The following RIN2 variants were observed in gnomAD, a reference collection of about 807,000 sequenced individuals.
RIN2 encodes the protein RAB5 interacting protein 2.
A neutral mutation model predicts 78.0 loss-of-function variants in RIN2; 36 were observed. The observed-to-expected ratio is 0.46, with a 90% confidence interval of 0.35 to 0.61. The LOEUF (loss-of-function observed/expected upper bound fraction) is 0.61. Among genes scored for constraint, RIN2 ranks in the 20% least tolerant of loss-of-function variants. The probability of loss-of-function intolerance (pLI) is 0.00; values close to 1 mark genes in which losing one functional copy is unlikely to be tolerated. For synonymous variants in RIN2, 466 were observed against 466.8 expected, an observed-to-expected ratio of 1.00 and a Z score of 0.02; for missense variants, 1,087 against 1,159.7, an observed-to-expected ratio of 0.94 and a Z score of 0.91.
intron 3 of RIN2, among the ~76,000 whole-genome samples, chr20:19,915,119 A>G (rs1181553291): frequency 2.0e-5 from 3 of 152,136 alleles, no homozygotes; most frequent in Non-Finnish European, 4.4e-5. Context: ...AAAAAGAAAA[A>G]CATTGTTTGG....
chr20:19,902,015 CAAAAAAAAAAA>C (rs55949901), intron 3 of RIN2, among the ~76,000 whole-genome samples: 106 of 100,652 alleles, frequency 1.1e-3, no homozygotes, highest in Middle Eastern at 6.0e-3. Context: ...GACTCTGTCT[CAAAAAAAAAAA>C]AAAAAAAAAA....
chr20:19,961,315 C>T (rs959718863), intron 6 of RIN2, among the ~76,000 whole-genome samples: 1 of 152,174 alleles, frequency 6.6e-6, no homozygotes, highest in Non-Finnish European at 1.5e-5. Context: ...AGAATCCAAC[C>T]TTTTGATGAA....
At chr20:19,818,086 C>T (rs1463736811) in intron 2 of RIN2, among the ~76,000 whole-genome samples, 1 of 139,894 alleles carries the variant, frequency 7.1e-6, no homozygotes, top group Non-Finnish European at 1.5e-5. Flanking sequence ...TTCTGAGTTA[C>T]AAACCTGTGC....
chr20:19,779,641 C>T (rs1568744343), intron 1 of RIN2, among the ~76,000 whole-genome samples: 1 of 152,166 alleles, frequency 6.6e-6, no homozygotes, highest in East Asian at 1.9e-4. Context: ...AGCAGAGAGC[C>T]TCAGATAAGT....
intron 3 of RIN2, among the ~76,000 whole-genome samples, chr20:19,890,559 A>T (rs576576939): frequency 7.4e-4 from 112 of 151,816 alleles, no homozygotes; most frequent in Middle Eastern, 3.4e-3. Context: ...ACCGAGGACA[A>T]GTGACTATGT....
At chr20:19,955,131 C>G (rs1326833058) in intron 4 of RIN2, among the ~76,000 whole-genome samples, 2 of 152,170 alleles carry the variant, frequency 1.3e-5, no homozygotes, top group Non-Finnish European at 2.9e-5. Flanking sequence ...CCCCCATTCT[C>G]TGGAGCCCAC....
At chr20:19,906,512 G>A (rs1345502474) in intron 3 of RIN2, among the ~76,000 whole-genome samples, 1 of 152,112 alleles carries the variant, frequency 6.6e-6, no homozygotes, top group Non-Finnish European at 1.5e-5. Flanking sequence ...GCTTACAGGG[G>A]CCAGGAAGAT....
At chr20:19,842,213 TTTTGTTTG>T (rs4052743) in intron 2 of RIN2, among the ~76,000 whole-genome samples, 46,519 of 149,516 alleles carry the variant, frequency 0.31, 8,541 homozygotes, top group East Asian at 0.52. Flanking sequence ...TCTTTGTTTT[TTTTGTTTG>T]TTTGTTTGTT....
At chr20:19,907,701 G>C (rs58793273) in intron 3 of RIN2, among the ~76,000 whole-genome samples, 5,581 of 152,280 alleles carry the variant, frequency 0.037, 349 homozygotes, top group African/African-American at 0.13. Context: ...ACAGGGCCTT[G>C]CCCAGAGTCC....
At chr20:19,819,217 G>A (rs1356088558) in intron 2 of RIN2, among the ~76,000 whole-genome samples, 3 of 152,214 alleles carry the variant, frequency 2.0e-5, no homozygotes, top group Non-Finnish European at 4.4e-5. Flanking sequence ...AGAAGTCCAA[G>A]GTCCAGGTGC....
At chr20:19,759,223 G>T (rs1173033633) in intron 1 of RIN2, among the ~76,000 whole-genome samples, 1 of 152,204 alleles carries the variant, frequency 6.6e-6, no homozygotes, top group Non-Finnish European at 1.5e-5. Flanking sequence ...CCTGAGAGGC[G>T]CCTGTCTTCT....
chr20:19,842,745 C>G (rs1393168336), intron 2 of RIN2, among the ~76,000 whole-genome samples: 1 of 152,018 alleles, frequency 6.6e-6, no homozygotes, highest in Admixed American at 6.6e-5. Context: ...GCCCATGGAT[C>G]AAGAAGTAAT....
intron 2 of RIN2, among the ~76,000 whole-genome samples, chr20:19,875,729 C>G (rs2037836205): frequency 6.6e-6 from 1 of 152,008 alleles, no homozygotes; most frequent in Admixed American, 6.5e-5. Flanking sequence ...AGTGGTGATG[C>G]AGACATTTAA....
rs1568752441 is a variant in RIN2 at position 19,788,431 on chromosome 20, C to CCAAAAAAAAAAAAAAAACAA, written c.-162-11174_-162-11173insCAACAAAAAAAAAAAAAAAA. On this transcript the variant is annotated intron_variant, in intron 1 of 12. Transcript: ENST00000255006. ...CCAACATGGCGAAATCCTGTCTCTGCCAAAAAAAAAAAAAAAAACAACTAG... is the reference window on the plus strand; with the variant it reads ...CCAACATGGCGAAATCCTGTCTCTGCCAAAAAAAAAAAAAAAACAACAAAAAAAAAAAAAAAAACAACTAG... Among the ~76,000 whole-genome samples the CCAAAAAAAAAAAAAAAACAA allele has an allele frequency of 4.9e-4, 30 of 60,848 alleles. No homozygotes were observed. The African/African-American group carries it at 7.4e-3, about 15-fold the overall frequency. The allele number at this position is 60,848 out of a possible 152,430, so 39.9% of individuals were successfully genotyped here.
intron 3 of RIN2, among the ~76,000 whole-genome samples, chr20:19,924,986 G>A (rs966038882): frequency 2.7e-5 from 4 of 150,426 alleles, no homozygotes; most frequent in African/African-American, 4.9e-5. Flanking sequence ...TGATCCACCC[G>A]CCTCGGCCTC....
intron 3 of RIN2, among the ~76,000 whole-genome samples, chr20:19,907,623 G>A (rs915109649): frequency 6.6e-6 from 1 of 152,232 alleles, no homozygotes; most frequent in African/African-American, 2.4e-5. Flanking sequence ...GAAGGAAGAG[G>A]GTGGAGGTGG....
chr20:19,795,948 G>A (rs968013805), intron 1 of RIN2, among the ~76,000 whole-genome samples: 5 of 152,000 alleles, frequency 3.3e-5, no homozygotes, highest in Non-Finnish European at 7.4e-5. Context: ...AGGGCTGGGC[G>A]CAGTGGCTCA....
chr20:19,865,275 A>G (rs1234440633), intron 2 of RIN2, among the ~76,000 whole-genome samples: 1 of 152,146 alleles, frequency 6.6e-6, no homozygotes, highest in Non-Finnish European at 1.5e-5. Context: ...CATATTTTCT[A>G]TACAGTATAG....
intron 4 of RIN2, among the ~76,000 whole-genome samples, chr20:19,944,904 C>T (rs529053820): frequency 6.6e-6 from 1 of 152,220 alleles, no homozygotes; most frequent in East Asian, 1.9e-4. Flanking sequence ...ATTTGTCAGT[C>T]CTAGAATGGA....
Sources: gnomAD v4.1 joint callset for allele counts (sites outside exome capture counted in the v4.1 genomes callset) on GRCh38, gnomAD v4.1.1 for gene constraint, MANE v1.5 for transcripts, NCBI Gene and HGNC (gene_info 2026-07-23, HGNC 2026-07-21) for gene names.